MICAL2: variants seen among roughly 807,000 people sequenced by gnomAD.
The protein encoded by MICAL2 is [F-actin]-monooxygenase MICAL2.
Under a neutral mutation model 127.3 loss-of-function variants are expected in MICAL2, and 77 were observed. The ratio of observed to expected loss-of-function variants is 0.60; its 90% CI spans 0.50 to 0.73. The LOEUF (loss-of-function observed/expected upper bound fraction) is 0.73. Ranked by LOEUF, MICAL2 falls within the 30% of genes least tolerant of loss-of-function variation. MICAL2 has a pLI of 0.00. For synonymous variants in MICAL2, 570 were observed against 551.1 expected, an observed-to-expected ratio of 1.03 and a Z score of -0.48; for missense variants, 1,351 against 1,434.4, an observed-to-expected ratio of 0.94 and a Z score of 0.94.
chr11:12,239,269 G>A (rs1859535392), intron 16 of MICAL2, among the ~76,000 whole-genome samples, 167 bp from the exon 17 acceptor site: 1 of 152,220 alleles, frequency 6.6e-6, no homozygotes, highest in African/African-American at 2.4e-5. Flanking sequence ...TCCCTCCTGT[G>A]AGCATTGCCT....
At chr11:12,165,698 G>A (rs886668576) in intron 3 of MICAL2, among the ~76,000 whole-genome samples, 5 of 152,204 alleles carry the variant, frequency 3.3e-5, no homozygotes, top group African/African-American at 9.6e-5. Flanking sequence ...TCCTGCCTCC[G>A]TGCCACCATA....
Position 12,259,354 on chromosome 11 carries a change from ATTTTTTT to A in MICAL2, c.3232-440_3232-434del, listed in dbSNP as rs1453916311. ...CAAGAATAGTTTCCCATGACATTAAATTTTTTTATGTTGGAGCATAATTTTTAATGCC... is the reference window on the plus strand; with the variant it reads ...CAAGAATAGTTTCCCATGACATTAAAATGTTGGAGCATAATTTTTAATGCC... On this transcript the variant is annotated intron_variant, in intron 25 of 27. Coordinates refer to ENST00000683283, the MANE Select transcript of MICAL2 (RefSeq NM_001282663.2). Among the ~76,000 whole-genome samples, 892 of 152,232 alleles carry A rather than the reference ATTTTTTT, an allele frequency of 5.9e-3. 7 individuals are homozygous for A. Among genetic ancestry groups the A allele is most frequent in the African/African-American group, 0.015 (641 of 41,550 alleles).
At chr11:12,284,740 C>T (rs1863806775) in intron 2 of MICAL2, among the ~76,000 whole-genome samples, 2 of 152,142 alleles carry the variant, frequency 1.3e-5, no homozygotes, top group African/African-American at 4.8e-5. Flanking sequence ...CCCAGGCAGC[C>T]AGCAATTGGG....
chr11:12,222,650 C>A lies in MICAL2; in HGVS notation c.1356C>A (p.Thr452=), dbSNP rs746938481. The part of the protein sequence containing the change: ...ESLYRLLPQT[T]PENINKNFEQ... Reference sequence around the variant, plus strand: ...TCTACCGGCTGTTACCTCAGACAACCCCGGAGAACATCAACAAGAACTTTG... The same window carrying A: ...TCTACCGGCTGTTACCTCAGACAACACCGGAGAACATCAACAAGAACTTTG... Residue 452 remains threonine (T), a synonymous_variant, in exon 11 of 28, where the codon ACC becomes ACA. Transcript: ENST00000683283. The A allele has an allele frequency of 2.4e-5, 38 of 1,614,232 alleles. No individual in the cohort carries two copies. Among genetic ancestry groups the A allele is most frequent in the Non-Finnish European group, 2.6e-5 (31 of 1,180,048 alleles).
chr11:12,160,988 G>T (rs184931849), intron 2 of MICAL2, among the ~76,000 whole-genome samples: 4 of 152,332 alleles, frequency 2.6e-5, no homozygotes, highest in Non-Finnish European at 2.9e-5. Context: ...CAGAGCTGCC[G>T]TGAGGCCTGC....
chr11:12,340,952 A>G (rs1252688169), intron 32 of MICAL2, among the ~76,000 whole-genome samples: 1 of 152,232 alleles, frequency 6.6e-6, no homozygotes, highest in East Asian at 1.9e-4. Context: ...TGAGCTAGCT[A>G]CTAGCATCTT....
intron 3 of MICAL2, among the ~76,000 whole-genome samples, chr11:12,184,045 G>A (rs1310100680): frequency 2.0e-5 from 3 of 152,186 alleles, no homozygotes; most frequent in African/African-American, 7.2e-5. Context: ...TTCCCAAAGT[G>A]CTGGGATTAC....
chr11:12,294,953 C>T (rs2134792085), downstream of MICAL2: 2 of 1,356,870 alleles, frequency 1.5e-6, no homozygotes, highest in Admixed American at 3.4e-5. Flanking sequence ...CTTCGTTTTG[C>T]TTCTCAAATA....
chr11:12,323,930 A>G, intron 30 of MICAL2: 2 of 1,573,122 alleles, frequency 1.3e-6, no homozygotes, highest in Non-Finnish European at 1.7e-6. Context: ...TGTAAATTTC[A>G]ACCCCATTTT....
chr11:12,238,510 G>A (rs957358636), intron 16 of MICAL2, among the ~76,000 whole-genome samples: 1 of 152,162 alleles, frequency 6.6e-6, no homozygotes, highest in African/African-American at 2.4e-5. Flanking sequence ...CTAATCATGA[G>A]ACAACATCAG....
chr11:12,329,878 AAAAAAG>A (rs1459922020), intron 32 of MICAL2, among the ~76,000 whole-genome samples: 1 of 120,580 alleles, frequency 8.3e-6, no homozygotes, highest in Non-Finnish European at 2.0e-5. Context: ...AAAAAAAAAA[AAAAAAG>A]AAAAGAGAGA....
intron 1 of MICAL2, chr11:12,116,804 A>G (rs926171932): frequency 6.6e-5 from 10 of 152,184 alleles, no homozygotes; most frequent in Admixed American, 5.9e-4. Context: ...TGTGATGACC[A>G]TGTATGGAAT....
downstream of MICAL2, among the ~76,000 whole-genome samples, chr11:12,268,522 C>T (rs1299372362): frequency 6.6e-6 from 1 of 152,208 alleles, no homozygotes; most frequent in Non-Finnish European, 1.5e-5. Flanking sequence ...GAACACTCCA[C>T]CCACCATAAC....
chr11:12,148,674 A>G (rs544068551), intron 2 of MICAL2, among the ~76,000 whole-genome samples: 4 of 152,360 alleles, frequency 2.6e-5, no homozygotes, highest in Non-Finnish European at 5.9e-5. Context: ...TGTCAGAGGC[A>G]TGGGCACCAG....
intron 3 of MICAL2, among the ~76,000 whole-genome samples, chr11:12,193,856 T>G (rs1188520181): frequency 6.6e-6 from 1 of 152,248 alleles, no homozygotes; most frequent in African/African-American, 2.4e-5. Flanking sequence ...TTGAATGAAC[T>G]GATACATGTG....
chr11:12,189,786 G>T (rs1278222882), intron 3 of MICAL2, among the ~76,000 whole-genome samples: 2 of 152,216 alleles, frequency 1.3e-5, no homozygotes, highest in Non-Finnish European at 2.9e-5. Flanking sequence ...GAGGGAAAGT[G>T]CCCTAGATGC....
At chr11:12,327,641 A>G (rs949624395) in intron 32 of MICAL2, among the ~76,000 whole-genome samples, 4 of 152,004 alleles carry the variant, frequency 2.6e-5, no homozygotes, top group Admixed American at 1.3e-4. Context: ...GTAGTAATTC[A>G]AAACTCAGAG....
At chr11:12,162,052 G>T in intron 2 of MICAL2, 27 bp from the exon 3 acceptor site, 1 of 1,525,624 alleles carries the variant, frequency 6.6e-7, no homozygotes, top group South Asian at 1.2e-5. Flanking sequence ...GTCCAAAGCT[G>T]ACCTCTGCCT....
chr11:12,238,136 A>G (rs993782896), intron 16 of MICAL2, among the ~76,000 whole-genome samples: 4 of 152,166 alleles, frequency 2.6e-5, no homozygotes, highest in Non-Finnish European at 5.9e-5. Flanking sequence ...TTTCCAGTGA[A>G]TTTCTTCTAA....
Sources: allele counts gnomAD v4.1 joint callset (sites outside exome capture counted in the v4.1 genomes callset), GRCh38; gene constraint gnomAD v4.1.1; transcripts MANE v1.5; gene names NCBI Gene and HGNC (gene_info 2026-07-23, HGNC 2026-07-21).